INTS6: variants seen among roughly 807,000 people sequenced by gnomAD.
INTS6 encodes DEAD box protein.
Under a neutral mutation model 104.9 loss-of-function variants are expected in INTS6, and 16 were observed. The ratio of observed to expected loss-of-function variants is 0.15; its 90% CI spans 0.10 to 0.23. The LOEUF is 0.23. Among genes scored for constraint, INTS6 ranks in the 10% least tolerant of loss-of-function variants. The pLI is 1.00. For synonymous variants in INTS6, 324 were observed against 358.7 expected (o/e 0.90, Z 1.09); for missense variants, 584 against 1,062.8 (o/e 0.55, Z 6.26).
At chr13:51,345,366 G>A in the INTS6 span, among the ~76,000 whole-genome samples, 9 of 152,162 alleles carry the variant, frequency 5.9e-5, no homozygotes, top group South Asian at 2.1e-4. Flanking sequence ...ATGCCAAGGC[G>A]GGCAGATCAC....
chr13:51,353,144 T>C (rs1486932774), downstream of INTS6, among the ~76,000 whole-genome samples: 2 of 152,176 alleles, frequency 1.3e-5, no homozygotes, highest in East Asian at 3.8e-4. Context: ...TCTGCCTTCA[T>C]AGCCATACAA....
chr13:51,423,999 T>G (rs962331514), intron 4 of INTS6, among the ~76,000 whole-genome samples: 1 of 152,082 alleles, frequency 6.6e-6, no homozygotes, highest in African/African-American at 2.4e-5. Flanking sequence ...CAAAGGCATG[T>G]GTATTCTATA....
At chr13:51,387,689 C>T (rs1956165457) in intron 6 of INTS6, 149 bp from the exon 7 acceptor site, 1 of 588,048 alleles carries the variant, frequency 1.7e-6, no homozygotes, top group Admixed American at 3.3e-5. Context: ...TGGCAGAACA[C>T]TATGTCTGCT....
intron 3 of INTS6, chr13:51,445,621 A>G (rs1448901231): frequency 6.6e-6 from 1 of 152,254 alleles, no homozygotes; most frequent in African/African-American, 2.4e-5. Context: ...GGCTCAAAAT[A>G]GTAATGTGAA....
intron 16 of INTS6, 49 bp from the exon 17 acceptor site, chr13:51,367,947 T>C: frequency 1.0e-6 from 1 of 971,162 alleles, no homozygotes; most frequent in East Asian, 2.6e-5. Context: ...TTCATTTGTA[T>C]TCTTATTCAA....
chr13:51,385,319 G>C (rs775323459), intron 7 of INTS6: 1 of 152,238 alleles, frequency 6.6e-6, no homozygotes, highest in Non-Finnish European at 1.5e-5. Context: ...TGATGTGTAC[G>C]TGTCTGACAT....
At chr13:51,427,260 T>A (rs1358902151) in intron 4 of INTS6, among the ~76,000 whole-genome samples, 1 of 148,720 alleles carries the variant, frequency 6.7e-6, no homozygotes, top group Non-Finnish European at 1.5e-5. Flanking sequence ...GACACATTCA[T>A]ACACTGAATA....
At chr13:51,446,674 T>C (rs778856527) in intron 3 of INTS6, 6 of 152,130 alleles carry the variant, frequency 3.9e-5, no homozygotes, top group Non-Finnish European at 7.4e-5. Context: ...TCAATGGATA[T>C]GTGGATAAGC....
chr13:51,361,915 G>T lies in INTS6; in HGVS notation c.*3837C>A. On this transcript the variant is annotated 3_prime_UTR_variant, in exon 18 of 18. Transcript: ENST00000311234. ...ACAGGTATTACAGTATTTTTTGACA[G>T]GATTCAGATAATTTATCAGTGTCTC... is the stretch of plus-strand genomic sequence containing the variant. 6.2e-7 allele frequency: 1 copy of T among 1,611,654 alleles called. No individual in the cohort carries two copies. Among genetic ancestry groups the T allele is most frequent in the Non-Finnish European group, 8.5e-7 (1 of 1,178,556 alleles).
chr13:51,435,771 T>C (rs1957175650), intron 3 of INTS6, among the ~76,000 whole-genome samples: 1 of 152,224 alleles, frequency 6.6e-6, no homozygotes, highest in Admixed American at 6.5e-5. Flanking sequence ...TAAAATCTTC[T>C]GATGTGCTAA....
At chr13:51,448,186 A>C (rs1208960794) in intron 3 of INTS6, 3 of 152,228 alleles carry the variant, frequency 2.0e-5, no homozygotes, top group Non-Finnish European at 4.4e-5. Flanking sequence ...TTAGATATTA[A>C]GGCTGCTTCA....
downstream of INTS6, chr13:51,361,492 A>C: frequency 1.5e-6 from 1 of 671,092 alleles, no homozygotes; most frequent in Middle Eastern, 2.5e-4. Flanking sequence ...AGTATTTTTT[A>C]AAAAGGAACA....
intron 4 of INTS6, among the ~76,000 whole-genome samples, chr13:51,420,901 A>C (rs1358894680): frequency 2.0e-5 from 3 of 152,196 alleles, no homozygotes; most frequent in Non-Finnish European, 4.4e-5. Context: ...GGAAATACCG[A>C]GTTCCTCACT....
intron 17 of INTS6, among the ~76,000 whole-genome samples, chr13:51,367,413 T>C (rs1193501085): frequency 6.6e-6 from 1 of 152,044 alleles, no homozygotes; most frequent in Non-Finnish European, 1.5e-5. Flanking sequence ...AATTCTTGTC[T>C]CCTTAATTAC....
At chr13:51,430,147 A>T (rs974058859) in intron 4 of INTS6, 147 bp downstream of exon 4, 28 of 629,266 alleles carry the variant, frequency 4.4e-5, no homozygotes, top group Admixed American at 1.3e-4. Flanking sequence ...ACACTGCTAC[A>T]AACAAAGATG....
rs114210916 is a variant in INTS6, at chr13:51,373,645, G to A, written c.2104+563C>T. The stretch of plus-strand genomic sequence containing the variant: ...TACTATTGCTCCAGCATAAGCAAAC[G>A]GCACAGCTTTTGGCTTAAGCATTAA... On this transcript the variant is annotated intron_variant, in intron 15 of 17. Transcript: ENST00000311234. 2.8e-3 allele frequency among the ~76,000 whole-genome samples: 426 copies of A among 152,242 alleles called. 3 individuals carry two copies. Among genetic ancestry groups the A allele is most frequent in the African/African-American group, 9.9e-3 (410 of 41,532 alleles).
chr13:51,341,513 A>C, the INTS6 span, among the ~76,000 whole-genome samples: 1 of 152,186 alleles, frequency 6.6e-6, no homozygotes, highest in African/African-American at 2.4e-5. Context: ...GCTACCTGGG[A>C]GATAGGGAGC....
chr13:51,408,615 T>G (rs1046872471), intron 4 of INTS6, among the ~76,000 whole-genome samples: 7 of 152,164 alleles, frequency 4.6e-5, no homozygotes, highest in African/African-American at 1.7e-4. Context: ...TTCTGTAGTA[T>G]GTTATGTATG....
At chr13:51,390,619 C>T (rs1956229513) in intron 5 of INTS6, among the ~76,000 whole-genome samples, 4 of 152,144 alleles carry the variant, frequency 2.6e-5, no homozygotes, top group Admixed American at 2.0e-4. Context: ...ACACAAGCTA[C>T]ATCATTACAT....
Sources: gnomAD v4.1 joint callset for allele counts (sites outside exome capture counted in the v4.1 genomes callset) on GRCh38, gnomAD v4.1.1 for gene constraint, MANE v1.5 for transcripts, NCBI Gene and HGNC (gene_info 2026-07-23, HGNC 2026-07-21) for gene names.